The following CDK19 variants were observed in gnomAD, a reference collection of about 807,000 sequenced individuals.
CDK19 encodes the protein cyclin-dependent kinase 19.
Under a neutral mutation model 68.3 loss-of-function variants are expected in CDK19, and 20 were observed. The observed-to-expected ratio is 0.29, with a 90% CI of 0.21 to 0.43. The LOEUF (loss-of-function observed/expected upper bound fraction) is 0.43, where lower values mean the gene tolerates loss of function less well. CDK19 is among the 20% of genes least tolerant of loss of function. CDK19 has a pLI of 1.00. For synonymous variants in CDK19, 221 were observed against 222.8 expected (o/e 0.99, Z 0.07); for missense variants, 339 against 623.5 (o/e 0.54, Z 4.86).
chr6:110,794,218 G>A (rs546256853), intron 1 of CDK19, among the ~76,000 whole-genome samples: 1 of 150,042 alleles, frequency 6.7e-6, no homozygotes, highest in African/African-American at 2.5e-5. Context: ...GCTAACTTTT[G>A]TATTTTTAGT....
At chr6:110,705,164 C>T (rs1045217243) in intron 2 of CDK19, among the ~76,000 whole-genome samples, 4 of 152,020 alleles carry the variant, frequency 2.6e-5, no homozygotes, top group Non-Finnish European at 5.9e-5. Context: ...CCTCAGCCTC[C>T]CGAATACCTG....
chr6:110,636,098 G>C (rs539036663), intron 5 of CDK19, among the ~76,000 whole-genome samples: 1 of 152,290 alleles, frequency 6.6e-6, no homozygotes, highest in South Asian at 2.1e-4. Flanking sequence ...CCAGAGTACA[G>C]AATTTTGCTA....
At chr6:110,804,842 G>A (rs962185264) in intron 1 of CDK19, among the ~76,000 whole-genome samples, 9 of 151,568 alleles carry the variant, frequency 5.9e-5, no homozygotes, top group Admixed American at 5.9e-4. Flanking sequence ...TGTAGTCCCA[G>A]CCACTCGGGA....
chr6:110,790,220 G>A (rs1781495294), intron 1 of CDK19, among the ~76,000 whole-genome samples: 2 of 152,172 alleles, frequency 1.3e-5, no homozygotes, highest in African/African-American at 4.8e-5. Context: ...CATCCAAGAG[G>A]AGATTTTTAA....
At chr6:110,709,905 T>C (rs1007020518) in intron 2 of CDK19, among the ~76,000 whole-genome samples, 9 of 152,196 alleles carry the variant, frequency 5.9e-5, no homozygotes, top group African/African-American at 2.2e-4. Flanking sequence ...CATCTATGTG[T>C]TAGTGACACA....
rs531983875 is a variant in CDK19, at chr6:110,783,656, A to G, written c.128+31353T>C. 8.5e-5 allele frequency among the ~76,000 whole-genome samples: 13 copies of G among 152,108 alleles called. 1 individual carries two copies. Among genetic ancestry groups the G allele is most frequent in the African/African-American group, 3.1e-4 (13 of 41,508 alleles). ...CTGTCTCAAAAAAAAAAAAGAAAAA[A>G]AAAAGCACTTCCAGATCTAAATATA... On this transcript the variant is annotated intron_variant, in intron 1 of 12. Coordinates refer to ENST00000368911, the MANE Select transcript of CDK19 (RefSeq NM_015076.5).
chr6:110,610,972 T>C lies in CDK19; in HGVS notation c.*3563A>G, dbSNP rs1407089780. Reference sequence around the variant, plus strand: ...AGGTAAATGTCATCCCTTTCCATTCTTAAGAGTCCATTATGTTCGTAAGAG... The same window carrying C: ...AGGTAAATGTCATCCCTTTCCATTCCTAAGAGTCCATTATGTTCGTAAGAG... On this transcript the variant is annotated 3_prime_UTR_variant, in exon 13 of 13. Coordinates refer to ENST00000368911, the MANE Select transcript of CDK19 (RefSeq NM_015076.5). The C allele has an allele frequency of 6.6e-6, 1 of 152,214 alleles. No individual in the cohort carries two copies. The highest frequency in any genetic ancestry group is 2.4e-5 in the African/African-American group (1 of 41,452). 9.4% of individuals were successfully genotyped at this position (152,214 alleles called of 1,614,324 possible).
chr6:110,680,130 C>T (rs1312359056), intron 2 of CDK19, among the ~76,000 whole-genome samples: 1 of 152,222 alleles, frequency 6.6e-6, no homozygotes, highest in Non-Finnish European at 1.5e-5. Context: ...TAAGCCTCCA[C>T]AAGCTCCATT....
chr6:110,804,210 T>C (rs1454442246), intron 1 of CDK19, among the ~76,000 whole-genome samples: 2 of 152,152 alleles, frequency 1.3e-5, no homozygotes, highest in Non-Finnish European at 2.9e-5. Context: ...GCTTAGTAAC[T>C]GAGATCATCC....
intron 2 of CDK19, among the ~76,000 whole-genome samples, chr6:110,685,583 T>G (rs1159870664): frequency 6.6e-6 from 1 of 152,210 alleles, no homozygotes; most frequent in African/African-American, 2.4e-5. Context: ...TCAACAAATG[T>G]TGGCTAAGTG....
chr6:110,689,415 G>C (rs546534722), intron 2 of CDK19, among the ~76,000 whole-genome samples: 27 of 152,246 alleles, frequency 1.8e-4, no homozygotes, highest in African/African-American at 6.5e-4. Flanking sequence ...GGTAACACAA[G>C]GCAAGTAAAA....
chr6:110,663,897 G>A (rs1320833235), intron 4 of CDK19, among the ~76,000 whole-genome samples: 2 of 152,062 alleles, frequency 1.3e-5, no homozygotes, highest in African/African-American at 2.4e-5. Flanking sequence ...GTAAATGTGT[G>A]GGTAAAATAT....
intron 1 of CDK19, among the ~76,000 whole-genome samples, chr6:110,759,578 A>G (rs80247930): frequency 0.046 from 6,903 of 150,488 alleles, 171 homozygotes; most frequent in Middle Eastern, 0.079. Flanking sequence ...ACTCTAGCCC[A>G]GCAGTTCAAG....
chr6:110,673,537 T>TA (rs536470299), intron 2 of CDK19, among the ~76,000 whole-genome samples: 1,835 of 141,234 alleles, frequency 0.013, 8 homozygotes, highest in Middle Eastern at 0.036. Context: ...GTCATTTTTG[T>TA]AAAAAAAAAA....
intron 2 of CDK19, among the ~76,000 whole-genome samples, chr6:110,718,553 T>G (rs1252557236): frequency 1.4e-5 from 2 of 146,206 alleles, no homozygotes; most frequent in Non-Finnish European, 3.0e-5. Flanking sequence ...AAAATTTACC[T>G]AGAAAGGCAA....
At chr6:110,674,657 C>T (rs1186919475) in intron 2 of CDK19, among the ~76,000 whole-genome samples, 1 of 152,162 alleles carries the variant, frequency 6.6e-6, no homozygotes, top group Non-Finnish European at 1.5e-5. Flanking sequence ...AATCCCAGCA[C>T]TTTGGGAGGC....
At chr6:110,624,905 A>G (rs1049100453) in intron 8 of CDK19, among the ~76,000 whole-genome samples, 3 of 152,186 alleles carry the variant, frequency 2.0e-5, no homozygotes, top group African/African-American at 7.2e-5. Flanking sequence ...CCTCTAAGAA[A>G]GCCTTAGGTT....
intron 3 of CDK19, among the ~76,000 whole-genome samples, chr6:110,668,880 T>C (rs1770753017): frequency 6.6e-6 from 1 of 151,998 alleles, no homozygotes. Context: ...GCACTTCAGA[T>C]ACTTCTGAAG....
intron 12 of CDK19, among the ~76,000 whole-genome samples, chr6:110,619,482 A>T (rs1554191465): frequency 6.6e-6 from 1 of 151,694 alleles, no homozygotes; most frequent in Non-Finnish European, 1.5e-5. Context: ...AAGAGGCTGG[A>T]GGGAAGTTTT....
Sources: gnomAD v4.1 joint callset for allele counts (sites outside exome capture counted in the v4.1 genomes callset) on GRCh38, gnomAD v4.1.1 for gene constraint, MANE v1.5 for transcripts, NCBI Gene and HGNC (gene_info 2026-07-23, HGNC 2026-07-21) for gene names.